SHANK2: variants seen among roughly 807,000 people sequenced by gnomAD.
SHANK2 encodes the protein SH3 and multiple ankyrin repeat domains protein 2.
Under a neutral mutation model 133.7 loss-of-function variants are expected in SHANK2, and 43 were observed. That is an observed-to-expected ratio of 0.32 (90% CI 0.25 to 0.41). The LOEUF is 0.41. SHANK2 is among the 10% of genes least tolerant of loss of function. The pLI is 1.00. For missense variants in SHANK2, 1,994 were observed against 2,235.8 expected (o/e 0.89, Z 2.18); for synonymous variants, 1,017 against 952.8 (o/e 1.07, Z -1.24).
intron 14 of SHANK2, among the ~76,000 whole-genome samples, chr11:70,754,269 G>A (rs1293289821): frequency 6.6e-6 from 1 of 152,110 alleles, no homozygotes; most frequent in Admixed American, 6.5e-5. Context: ...AATTTATAAG[G>A]GCAGCATTAT....
At chr11:71,151,480 G>T (rs782267543) in intron 2 of SHANK2, among the ~76,000 whole-genome samples, 2 of 152,130 alleles carry the variant, frequency 1.3e-5, no homozygotes, top group Non-Finnish European at 2.9e-5. Flanking sequence ...TAGCTGCGAT[G>T]CCACCCCCAT....
At chr11:70,879,502 A>C (rs1345684964) in intron 11 of SHANK2, among the ~76,000 whole-genome samples, 1 of 152,206 alleles carries the variant, frequency 6.6e-6, no homozygotes, top group African/African-American at 2.4e-5. Context: ...AGGCTCAGAG[A>C]GGTGCCGTGG....
intron 11 of SHANK2, among the ~76,000 whole-genome samples, chr11:70,844,190 C>A (rs1948959465): frequency 6.6e-6 from 1 of 152,194 alleles, no homozygotes; most frequent in Non-Finnish European, 1.5e-5. Context: ...CTGCCACAGG[C>A]ACCCCTACAA....
intron 11 of SHANK2, among the ~76,000 whole-genome samples, chr11:70,883,197 A>G (rs1949684050): frequency 6.6e-6 from 1 of 152,118 alleles, no homozygotes; most frequent in Non-Finnish European, 1.5e-5. Flanking sequence ...ATTAGGATTG[A>G]GCACTGAGCA....
chr11:70,894,192 T>C (rs1304406182), intron 11 of SHANK2, among the ~76,000 whole-genome samples: 1 of 151,486 alleles, frequency 6.6e-6, no homozygotes, highest in African/African-American at 2.4e-5. Context: ...TTTTGTTTTG[T>C]TTTGTTTTTG....
chr11:71,123,568 C>T (rs1555101957), intron 3 of SHANK2, among the ~76,000 whole-genome samples: 1 of 152,176 alleles, frequency 6.6e-6, no homozygotes, highest in Non-Finnish European at 1.5e-5. Context: ...TGGCCCAAGA[C>T]AGTTTCTGCC....
chr11:70,894,854 T>C (rs1270661953), intron 11 of SHANK2, among the ~76,000 whole-genome samples: 2 of 151,984 alleles, frequency 1.3e-5, no homozygotes, highest in East Asian at 3.9e-4. Context: ...GTCAAGAGAG[T>C]CCCACTCCCT....
In SHANK2 at chr11:71,250,902, G is replaced by A. The variant is rs75647889; in HGVS notation, c.-113+1523C>T. Among the ~76,000 whole-genome samples the A allele has an allele frequency of 6.1e-3, 925 of 152,292 alleles. 16 individuals carry two copies. The East Asian group carries it at 0.069, about 11-fold the overall frequency. On this transcript the variant is annotated intron_variant, in intron 1 of 25. Coordinates refer to ENST00000601538, the MANE Select transcript of SHANK2 (RefSeq NM_012309.5). ...TTCCGAAATTACCTCTCTGGATCTG[G>A]AAGCTTAATTAGCTGATTGGCCTCA...
chr11:71,080,377 A>G (rs1951282037), intron 8 of SHANK2, among the ~76,000 whole-genome samples: 2 of 152,160 alleles, frequency 1.3e-5, no homozygotes, highest in African/African-American at 4.8e-5. Context: ...ATTAGAAAAA[A>G]GGGTGCTCCT....
intron 10 of SHANK2, among the ~76,000 whole-genome samples, chr11:70,906,577 C>T (rs1441293793): frequency 2.0e-5 from 3 of 152,202 alleles, no homozygotes; most frequent in Non-Finnish European, 4.4e-5. Context: ...GTGATCCTGA[C>T]ACCCCCTCGC....
At position 71,175,598 on chromosome 11, in the gene SHANK2, G is replaced by GAGAGAGAGAC. The variant is rs1953424962; in HGVS notation, c.-12-28261_-12-28260insGTCTCTCTCT. 1.9e-5 allele frequency among the ~76,000 whole-genome samples: 2 copies of GAGAGAGAGAC among 107,402 alleles called. No individual in the cohort carries two copies. The highest frequency in any genetic ancestry group is 6.6e-5 in the African/African-American group (2 of 30,124). The allele number at this position is 107,402 out of a possible 152,430, so 70.5% of individuals were successfully genotyped here. A position where few individuals can be genotyped will look rare whatever the true frequency, so the allele number is the denominator to read the frequency against. On this transcript the variant is annotated intron_variant, in intron 2 of 25. Transcript: ENST00000601538. This position sits in a 1 kb window ranked among gnomAD's most constrained non-coding sequence, Gnocchi z 4.2. Reference sequence around the variant, plus strand: ...AGAGAGAGAGAGAGAGAGAGAGAGAGAGAGACAGAGACAGAGACATCGCTT... The same window carrying GAGAGAGAGAC: ...AGAGAGAGAGAGAGAGAGAGAGAGAGAGAGAGAGACAGAGACAGAGACAGAGACATCGCTT...
At chr11:70,901,630 A>G (rs1324061803) in intron 10 of SHANK2, among the ~76,000 whole-genome samples, 2 of 152,208 alleles carry the variant, frequency 1.3e-5, no homozygotes, top group Non-Finnish European at 2.9e-5. Context: ...GTACGGCCAT[A>G]ATGCAACCTT....
At chr11:71,092,847 C>T (rs1343729440) in intron 7 of SHANK2, among the ~76,000 whole-genome samples, 1 of 152,094 alleles carries the variant, frequency 6.6e-6, no homozygotes, top group Non-Finnish European at 1.5e-5. Flanking sequence ...TCAAGACCAG[C>T]CTGGCCAACA....
chr11:70,781,041 A>C (rs1555045008), intron 14 of SHANK2, among the ~76,000 whole-genome samples: 2 of 151,868 alleles, frequency 1.3e-5, no homozygotes, highest in African/African-American at 4.8e-5. Context: ...CCTTCTCTGG[A>C]TGGTGTTTGT....
chr11:70,656,345 C>A (rs1352191776), intron 17 of SHANK2, among the ~76,000 whole-genome samples: 3 of 150,932 alleles, frequency 2.0e-5, no homozygotes, highest in Non-Finnish European at 3.0e-5. Context: ...TCACTCCTGG[C>A]TGGTGGAGGC....
chr11:71,066,201 G>T (rs1288212639), intron 9 of SHANK2, among the ~76,000 whole-genome samples: 3 of 33,198 alleles, frequency 9.0e-5, no homozygotes, highest in Non-Finnish European at 1.4e-4. Context: ...GGGAAGTTGG[G>T]GGGGGTATAG....
intron 3 of SHANK2, among the ~76,000 whole-genome samples, chr11:71,125,802 C>T (rs1952171283): frequency 6.6e-6 from 1 of 152,194 alleles, no homozygotes; most frequent in South Asian, 2.1e-4. Flanking sequence ...GACAAGAAGT[C>T]AACATCTGGC....
intron 17 of SHANK2, among the ~76,000 whole-genome samples, chr11:70,636,012 G>A (rs2061074775): frequency 6.6e-6 from 1 of 152,232 alleles, no homozygotes; most frequent in African/African-American, 2.4e-5. Flanking sequence ...GTCCAGGTGG[G>A]GCCTTGCACT....
At position 71,147,151 on chromosome 11, in the gene SHANK2, A is replaced by G; in HGVS notation, c.176T>C (p.Ile59Thr). ...TEESQGNTLV[I>T]RVVIHDLQQT... Reference sequence around the variant, plus strand: ...CTGCAGGTCATGGATGACCACGCGGATCACCAGCGTGTTGCCCTGGCTCTC... The same window carrying G: ...CTGCAGGTCATGGATGACCACGCGGGTCACCAGCGTGTTGCCCTGGCTCTC... The change falls in exon 3 of 26, where the codon ATC becomes ACC. Residue 59 changes from isoleucine (I) to threonine (T), a missense_variant. Physicochemically the swap from Ile to Thr is moderately conservative, Grantham distance 89. This residue lies in a region of SHANK2 where 653 missense variants were observed against 563.4 expected (regional missense o/e 1.16). Coordinates refer to ENST00000601538, the MANE Select transcript of SHANK2 (RefSeq NM_012309.5). The G allele has an allele frequency of 6.5e-7, 1 of 1,549,962 alleles. No homozygotes were observed.
Sources: allele counts gnomAD v4.1 joint callset (sites outside exome capture counted in the v4.1 genomes callset), GRCh38; gene constraint gnomAD v4.1.1; regional missense constraint gnomAD v4.1.1; non-coding constraint Gnocchi (gnomAD v3.1); transcripts MANE v1.5; gene names NCBI Gene and HGNC (gene_info 2026-07-23, HGNC 2026-07-21).